Variants in BEST4 observed in about 807,000 individuals in gnomAD.
The protein encoded by BEST4 is bestrophin 4, also known as bestrophin-4.
BEST4 carries 36 observed loss-of-function variants against 47.1 expected under a neutral mutation model. The ratio of observed to expected loss-of-function variants is 0.76; its 90% CI spans 0.59 to 1.01. The LOEUF (loss-of-function observed/expected upper bound fraction) is 1.01. BEST4 is among the 50% of genes least tolerant of loss of function. BEST4 has a pLI of 0.00. For missense variants in BEST4, 550 were observed against 648.6 expected, an observed-to-expected ratio of 0.85 and a Z score of 1.65; for synonymous variants, 250 against 277.8, an observed-to-expected ratio of 0.90 and a Z score of 1.00.
chr1:44,782,716 G>GCCAGCAT (rs1348709431), downstream of BEST4, among the ~76,000 whole-genome samples: 2 of 152,020 alleles, frequency 1.3e-5, no homozygotes, highest in African/African-American at 4.8e-5. Flanking sequence ...AAGAAGCAAA[G>GCCAGCAT]CCAGCATTAG....
chr1:44,783,509 G>C (rs1006342141), downstream of BEST4: 1 of 152,106 alleles, frequency 6.6e-6, no homozygotes, highest in African/African-American at 2.4e-5. Context: ...CTGCATGCAT[G>C]CCAATTCAAT....
chr1:44,783,243 C>T (rs1008820510), downstream of BEST4, among the ~76,000 whole-genome samples: 1 of 152,256 alleles, frequency 6.6e-6, no homozygotes, highest in Non-Finnish European at 1.5e-5. Flanking sequence ...GCGTGAGCCA[C>T]TGTGCCCAGC....
rs1573597341 is a variant in BEST4, at chr1:44,784,994, G to A, written c.913-9C>T. ...ATGATCTGTTCAGCCACCTATAGGTGGCAGAGACAGGGTTTTCTGGGTTCA... is the reference window on the plus strand; with the variant it reads ...ATGATCTGTTCAGCCACCTATAGGTAGCAGAGACAGGGTTTTCTGGGTTCA... On this transcript the variant is annotated splice_polypyrimidine_tract_variant and intron_variant, in intron 6 of 8. Coordinates refer to ENST00000372207, the MANE Select transcript of BEST4 (RefSeq NM_153274.3). The surrounding 1 kb of genome is among the most constrained non-coding windows in gnomAD (Gnocchi z 6.2). The A allele has an allele frequency of 5.6e-6, 9 of 1,613,686 alleles. No homozygotes were observed. The highest frequency in any genetic ancestry group is 1.3e-5 in the African/African-American group (1 of 75,026).
intron 4 of BEST4, 89 bp from the exon 5 acceptor site, chr1:44,785,765 GCT>G: frequency 8.6e-7 from 1 of 1,161,156 alleles, no homozygotes; most frequent in Non-Finnish European, 1.2e-6. Context: ...TGGCCAGGAG[GCT>G]CTTTCTCATT....
chr1:44,790,172 GGTCCAGTCTT>G (rs1651376049), upstream of BEST4, among the ~76,000 whole-genome samples: 1 of 152,158 alleles, frequency 6.6e-6, no homozygotes, highest in South Asian at 2.1e-4. Context: ...TCCCACGACT[GGTCCAGTCTT>G]GCCTACCAAG....
Position 44,784,714 on chromosome 1 carries a change from C to T in BEST4, c.1063G>A (p.Glu355Lys), listed in dbSNP as rs1248600356. Residue 355 changes from glutamate to lysine, a missense_variant, in exon 8 of 9, where the codon GAG (glutamate) becomes AAG (lysine). Physicochemically the swap from Glu to Lys is moderately conservative, Grantham distance 56 (BLOSUM62 1). This residue lies in a region of BEST4 where 255 missense variants were observed against 286.6 expected (regional missense o/e 0.89). Transcript: ENST00000372207. The surrounding 1 kb of genome is among the most constrained non-coding windows in gnomAD (Gnocchi z 6.2). Reference protein sequence around the residue: ...PPAEKDQYWDEDQPQPPYTVA... With the variant: ...PPAEKDQYWDKDQPQPPYTVA... ...GTGTAGGGTGGCTGCGGCTGGTCCT[C>T]ATCCCAGTACTGGTCCTTCTCAGCG... The T allele has an allele frequency of 6.2e-7, 1 of 1,608,878 alleles. No homozygotes were observed. Among genetic ancestry groups the T allele is most frequent in the Non-Finnish European group, 8.5e-7 (1 of 1,177,514 alleles).
At chr1:44,787,143 CTTTT>C (rs34398169) in intron 2 of BEST4, among the ~76,000 whole-genome samples, 35 of 105,016 alleles carry the variant, frequency 3.3e-4, no homozygotes, top group African/African-American at 1.2e-3. Context: ...TTGAGTAATT[CTTTT>C]TTTTTTTTTT....
upstream of BEST4, among the ~76,000 whole-genome samples, chr1:44,788,809 G>A (rs1469078396): frequency 2.6e-5 from 4 of 152,184 alleles, no homozygotes; most frequent in Non-Finnish European, 5.9e-5. Flanking sequence ...TCCATGCCAC[G>A]GGGCTGACAG....
At chr1:44,787,339 G>C (rs745783966) in intron 2 of BEST4, 33 bp downstream of exon 2, 1 of 1,608,038 alleles carries the variant, frequency 6.2e-7, no homozygotes, top group South Asian at 1.1e-5. Flanking sequence ...ACACAGTAAG[G>C]GGGACACAGG....
upstream of BEST4, among the ~76,000 whole-genome samples, chr1:44,791,662 C>T (rs1328904465): frequency 6.6e-6 from 1 of 151,994 alleles, no homozygotes; most frequent in East Asian, 1.9e-4. Flanking sequence ...ACCTTATCTC[C>T]TTCTCAGCTG....
rs966216849 is a variant in BEST4 at position 44,786,589 on chromosome 1, G to A, written c.355C>T (p.Gln119Ter). 6.4e-7 allele frequency: 1 copy of A among 1,550,746 alleles called. No individual in the cohort carries two copies. Among genetic ancestry groups the A allele is most frequent in the Non-Finnish European group, 8.7e-7 (1 of 1,147,014 alleles). ...VISASVHGVD[Q>*]RGRLLRRTLI... is the part of the protein sequence containing the mutation. ...GTGCGGCGCAGCAGGCGGCCCCGCT[G>A]GTCCACGCCGTGCACGCTAGCCGAG... The change falls in exon 3 of 9, where the codon CAG (glutamine) becomes TAG (stop). Residue 119 changes from glutamine to a stop codon, truncating the protein, a stop_gained. Coordinates refer to ENST00000372207, the MANE Select transcript of BEST4 (RefSeq NM_153274.3). LOFTEE classifies it high-confidence loss of function. The surrounding 1 kb of genome is among the most constrained non-coding windows in gnomAD (Gnocchi z 4.9).
Position 44,786,585 on chromosome 1 carries a change from C to G in BEST4, c.359G>C (p.Arg120Pro). The change falls in exon 3 of 9, where the codon CGG becomes CCG. Residue 120 changes from arginine to proline, a missense_variant. Coordinates refer to ENST00000372207, the MANE Select transcript of BEST4 (RefSeq NM_153274.3). This position sits in a 1 kb window ranked among gnomAD's most constrained non-coding sequence, Gnocchi z 4.9. ...GAGGGTGCGGCGCAGCAGGCGGCCC[C>G]GCTGGTCCACGCCGTGCACGCTAGC... Reference protein sequence around the residue: ...ISASVHGVDQRGRLLRRTLIR... With the variant: ...ISASVHGVDQPGRLLRRTLIR... 6.4e-7 allele frequency: 1 copy of G among 1,550,534 alleles called. No individual in the cohort carries two copies.
chr1:44,782,499 G>A (rs1192504053), downstream of BEST4, among the ~76,000 whole-genome samples: 7 of 151,668 alleles, frequency 4.6e-5, no homozygotes, highest in African/African-American at 1.7e-4. Context: ...GCGTGGTGGT[G>A]GACACCTGTA....
At chr1:44,789,002 T>C (rs1651334148), upstream of BEST4, among the ~76,000 whole-genome samples, 1 of 152,094 alleles carries the variant, frequency 6.6e-6, no homozygotes, top group Admixed American at 6.5e-5. Context: ...CCTGTAATCC[T>C]AGCACTTTGG....
rs988031054 is a variant in BEST4, at chr1:44,784,743, G to A, written c.1034C>T (p.Pro345Leu). ...CCAGTACTGGTCCTTCTCAGCGGGG[G>A]GAAGGTTCTGGTACATTTCGTCCAC... is the stretch of plus-strand genomic sequence containing the variant. The part of the protein sequence containing the change: ...LSVDEMYQNL[P>L]PAEKDQYWDE... The change falls in exon 8 of 9, where the codon CCC (proline) becomes CTC (leucine). Residue 345 changes from proline (P) to leucine (L), a missense_variant. Physicochemically the swap from Pro to Leu is moderately conservative, Grantham distance 98 (BLOSUM62 -3). Coordinates refer to ENST00000372207, the MANE Select transcript of BEST4 (RefSeq NM_153274.3). The surrounding 1 kb of genome is among the most constrained non-coding windows in gnomAD (Gnocchi z 6.2). 14 of 1,601,670 alleles carry A rather than the reference G, an allele frequency of 8.7e-6. No individual in the cohort carries two copies. Among genetic ancestry groups the A allele is most frequent in the African/African-American group, 1.3e-5 (1 of 74,658 alleles).
In BEST4 at chr1:44,784,846, C is replaced by T. The variant is rs894204398; in HGVS notation, c.993+59G>A. On this transcript the variant is annotated intron_variant, in intron 7 of 8. Transcript: ENST00000372207. The surrounding 1 kb of genome is among the most constrained non-coding windows in gnomAD (Gnocchi z 6.2). ...CTCCTTCCCACGGCCGGGCTGAGAG[C>T]TGACCGGGAGAGGGGGCCCAGGAGC... The T allele has an allele frequency of 1.9e-6, 3 of 1,609,618 alleles. No homozygotes were observed. The African/African-American group carries it at 4.0e-5, about 22-fold the overall frequency.
upstream of BEST4, among the ~76,000 whole-genome samples, chr1:44,791,232 A>ATGTGTG (rs35156965): frequency 6.8e-6 from 1 of 147,056 alleles, no homozygotes; most frequent in African/African-American, 2.5e-5. Context: ...GAGAGAGAGT[A>ATGTGTG]TGTGTGTGTG....
chr1:44,787,354 A>T lies in BEST4; in HGVS notation c.247+18T>A, dbSNP rs1651280763. 1 of 1,613,298 alleles carries T rather than the reference A, an allele frequency of 6.2e-7. No individual in the cohort carries two copies. Among genetic ancestry groups the T allele is most frequent in the East Asian group, 2.2e-5 (1 of 44,854 alleles). On this transcript the variant is annotated intron_variant, in intron 2 of 8. Coordinates refer to ENST00000372207, the MANE Select transcript of BEST4 (RefSeq NM_153274.3). ...ACACAGTAAGGGGGACACAGGGAAA[A>T]CTAGAAGGGAGCCTTACCCAATACA...
upstream of BEST4, among the ~76,000 whole-genome samples, chr1:44,788,476 A>G (rs571659046): frequency 2.0e-5 from 3 of 152,344 alleles, no homozygotes; most frequent in East Asian, 3.9e-4. Context: ...CCAGCTGCTG[A>G]TCACAGAGCA....
Sources: allele counts gnomAD v4.1 joint callset (sites outside exome capture counted in the v4.1 genomes callset), GRCh38; gene constraint gnomAD v4.1.1; regional missense constraint gnomAD v4.1.1; non-coding constraint Gnocchi (gnomAD v3.1); transcripts MANE v1.5; gene names NCBI Gene and HGNC (gene_info 2026-07-23, HGNC 2026-07-21).